The following RORA variants were observed in gnomAD, a reference collection of about 807,000 sequenced individuals.
RORA encodes nuclear receptor ROR-alpha.
RORA carries 7 observed loss-of-function variants against 69.5 expected under a neutral mutation model. The observed-to-expected ratio is 0.10, with a 90% CI of 0.06 to 0.19. The LOEUF (loss-of-function observed/expected upper bound fraction) is 0.19. RORA is among the 10% of genes least tolerant of loss of function. RORA has a pLI of 1.00. For missense variants in RORA, 457 were observed against 663.0 expected, an observed-to-expected ratio of 0.69 and a Z score of 3.41; for synonymous variants, 261 against 240.8, an observed-to-expected ratio of 1.08 and a Z score of -0.78.
intron 1 of RORA, among the ~76,000 whole-genome samples, chr15:61,077,753 T>C (rs76788268): frequency 6.6e-6 from 1 of 152,326 alleles, no homozygotes; most frequent in South Asian, 2.1e-4. Context: ...CCATAATTCT[T>C]TATAAGTCTC....
Position 60,940,243 on chromosome 15 carries a change from G to T in RORA, c.167-261557C>A, listed in dbSNP as rs139043288. The stretch of plus-strand genomic sequence containing the variant: ...TTGTTGGCTAAGATGATTTCTAATA[G>T]CCCCAAACCAGAAACAACCCCAAAG... On this transcript the variant is annotated intron_variant, in intron 1 of 10. Transcript: ENST00000335670. Among the ~76,000 whole-genome samples, 30 of 152,226 alleles carry T rather than the reference G, an allele frequency of 2.0e-4. No homozygotes were observed. In the East Asian group the frequency reaches 4.4e-3, roughly 22 times the overall value.
At chr15:60,612,552 C>T (rs1316702232) in intron 2 of RORA, among the ~76,000 whole-genome samples, 1 of 152,010 alleles carries the variant, frequency 6.6e-6, no homozygotes, top group East Asian at 1.9e-4. Context: ...CATTAGCAAA[C>T]CCAGCAGACT....
intron 1 of RORA, among the ~76,000 whole-genome samples, chr15:61,080,242 T>C (rs778133846): frequency 1.3e-5 from 2 of 152,168 alleles, no homozygotes; most frequent in Admixed American, 1.3e-4. Flanking sequence ...ATTCATCCTT[T>C]AGTCTAATCT....
chr15:61,154,749 T>C (rs117121686), intron 1 of RORA, among the ~76,000 whole-genome samples: 4 of 152,282 alleles, frequency 2.6e-5, no homozygotes, highest in Non-Finnish European at 2.9e-5. Context: ...AGGGTACCCA[T>C]TGTGTCTTTG....
At chr15:60,984,798 T>C (rs992580141) in intron 1 of RORA, among the ~76,000 whole-genome samples, 1 of 103,004 alleles carries the variant, frequency 9.7e-6, no homozygotes, top group African/African-American at 4.1e-5. Flanking sequence ...GGACTACATA[T>C]GTCTTTTTTT....
At chr15:60,938,264 C>T (rs1275152821) in intron 1 of RORA, among the ~76,000 whole-genome samples, 1 of 152,170 alleles carries the variant, frequency 6.6e-6, no homozygotes, top group South Asian at 2.1e-4. Flanking sequence ...AAAACAATGT[C>T]TAAAACAGGT....
At chr15:60,872,039 G>T (rs1041526772) in intron 1 of RORA, among the ~76,000 whole-genome samples, 1 of 152,164 alleles carries the variant, frequency 6.6e-6, no homozygotes, top group African/African-American at 2.4e-5. Flanking sequence ...AAGCTTTGTG[G>T]ATGAACTTAT....
chr15:61,206,485 A>G (rs750100198), intron 1 of RORA, among the ~76,000 whole-genome samples: 3 of 152,194 alleles, frequency 2.0e-5, no homozygotes, highest in Non-Finnish European at 4.4e-5. Context: ...CAAGGATCTC[A>G]TAACTTAGCC....
chr15:60,913,956 G>A (rs184556218), intron 1 of RORA, among the ~76,000 whole-genome samples: 14 of 152,282 alleles, frequency 9.2e-5, no homozygotes, highest in Non-Finnish European at 1.6e-4. Context: ...GGTGGATTAA[G>A]TGTTTCTGTT....
intron 1 of RORA, among the ~76,000 whole-genome samples, chr15:61,085,350 T>A (rs989377339): frequency 2.6e-5 from 4 of 152,162 alleles, no homozygotes; most frequent in African/African-American, 9.7e-5. Flanking sequence ...TGTTTCATGG[T>A]GGGAAAGTGA....
intron 1 of RORA, among the ~76,000 whole-genome samples, chr15:60,999,566 C>T (rs1356130145): frequency 6.6e-6 from 1 of 152,208 alleles, no homozygotes; most frequent in Non-Finnish European, 1.5e-5. Context: ...ACATGGCAGG[C>T]TGTGTCCATG....
At chr15:60,862,571 C>T (rs982801226) in intron 1 of RORA, among the ~76,000 whole-genome samples, 1 of 152,154 alleles carries the variant, frequency 6.6e-6, no homozygotes, top group Non-Finnish European at 1.5e-5. Context: ...ATTGCATCCG[C>T]TCCTACCAAA....
At chr15:60,792,306 G>A (rs2072429133) in intron 1 of RORA, among the ~76,000 whole-genome samples, 1 of 152,144 alleles carries the variant, frequency 6.6e-6, no homozygotes, top group Admixed American at 6.5e-5. Context: ...AGTGACTTGA[G>A]CATTATAAAC....
intron 2 of RORA, among the ~76,000 whole-genome samples, chr15:60,671,433 C>A (rs989017730): frequency 2.0e-5 from 3 of 151,922 alleles, no homozygotes; most frequent in African/African-American, 7.2e-5. Context: ...GACATCAGTT[C>A]TTTGATGAAC....
At chr15:60,917,342 T>C (rs374400159) in intron 1 of RORA, among the ~76,000 whole-genome samples, 2 of 152,228 alleles carry the variant, frequency 1.3e-5, no homozygotes, top group African/African-American at 4.8e-5. Context: ...ACAAGTTTAG[T>C]AGCCCTTTGG....
chr15:60,685,468 TC>T (rs2070728710), intron 1 of RORA, among the ~76,000 whole-genome samples: 1 of 152,090 alleles, frequency 6.6e-6, no homozygotes, highest in African/African-American at 2.4e-5. Flanking sequence ...TGGCCTTATG[TC>T]CCCCTCCTCC....
intron 1 of RORA, among the ~76,000 whole-genome samples, chr15:61,223,655 T>G (rs1349325391): frequency 6.6e-6 from 1 of 152,218 alleles, no homozygotes; most frequent in Non-Finnish European, 1.5e-5. Context: ...TGTGGCACCA[T>G]AAGATTCTCA....
chr15:60,830,975 C>T (rs1463491912), intron 1 of RORA, among the ~76,000 whole-genome samples: 2 of 151,922 alleles, frequency 1.3e-5, no homozygotes, highest in African/African-American at 4.8e-5. Flanking sequence ...GTGGATCCAT[C>T]AAAAAGAGAA....
intron 1 of RORA, among the ~76,000 whole-genome samples, chr15:61,180,529 C>G (rs1241153929): frequency 6.6e-6 from 1 of 152,184 alleles, no homozygotes; most frequent in East Asian, 1.9e-4. Context: ...TTCTTCCTGG[C>G]AATATCTTAT....
Sources: allele counts gnomAD v4.1 joint callset (sites outside exome capture counted in the v4.1 genomes callset), GRCh38; gene constraint gnomAD v4.1.1; transcripts MANE v1.5; gene names NCBI Gene and HGNC (gene_info 2026-07-23, HGNC 2026-07-21).